Variants in FGF12 observed in about 807,000 individuals in gnomAD.
FGF12 encodes fibroblast growth factor 12B.
Under a neutral mutation model 23.6 loss-of-function variants are expected in FGF12, and 14 were observed. The observed-to-expected ratio is 0.59, with a 90% CI of 0.39 to 0.93. The LOEUF (loss-of-function observed/expected upper bound fraction) is 0.93. FGF12 is among the 40% of genes least tolerant of loss of function. The pLI is 0.00. For synonymous variants in FGF12, 62 were observed against 77.3 expected, an observed-to-expected ratio of 0.80 and a Z score of 1.04; for missense variants, 175 against 217.8, an observed-to-expected ratio of 0.80 and a Z score of 1.24.
At chr3:192,466,059 T>C (rs1456713314) in intron 2 of FGF12, among the ~76,000 whole-genome samples, 1 of 152,204 alleles carries the variant, frequency 6.6e-6, no homozygotes, top group African/African-American at 2.4e-5. Flanking sequence ...CAAACCTAGA[T>C]GGTGCAGCCT....
At chr3:192,204,745 G>T (rs1717554323) in intron 4 of FGF12, among the ~76,000 whole-genome samples, 1 of 152,086 alleles carries the variant, frequency 6.6e-6, no homozygotes, top group Non-Finnish European at 1.5e-5. Context: ...AATGAGCTGG[G>T]CGTGGTAGCA....
intron 2 of FGF12, among the ~76,000 whole-genome samples, chr3:192,674,626 A>T (rs1717256963): frequency 6.6e-6 from 1 of 152,206 alleles, no homozygotes; most frequent in South Asian, 2.1e-4. Flanking sequence ...AATAAGATAC[A>T]TGCAGTTAGA....
At chr3:192,573,120 A>C (rs1577060880) in intron 2 of FGF12, among the ~76,000 whole-genome samples, 1 of 152,170 alleles carries the variant, frequency 6.6e-6, no homozygotes, top group Admixed American at 6.5e-5. Context: ...GAACTAGGAA[A>C]GGTTATTTTG....
intron 5 of FGF12, among the ~76,000 whole-genome samples, chr3:192,155,446 T>C (rs1033329755): frequency 1.3e-5 from 2 of 152,218 alleles, no homozygotes; most frequent in East Asian, 1.9e-4. Flanking sequence ...TTATCTAATA[T>C]ACCCATTCCA....
intron 4 of FGF12, among the ~76,000 whole-genome samples, chr3:192,261,588 C>T (rs879821045): frequency 8.5e-5 from 13 of 152,132 alleles, no homozygotes; most frequent in South Asian, 2.1e-4. Context: ...GTCATGGCTC[C>T]GCCAGAGGTT....
chr3:192,511,400 G>A (rs1724470720), intron 2 of FGF12, among the ~76,000 whole-genome samples: 1 of 152,160 alleles, frequency 6.6e-6, no homozygotes, highest in African/African-American at 2.4e-5. Flanking sequence ...CTTTCCTGCT[G>A]AAGTGATGAG....
chr3:192,350,332 CATA>C (rs1171398570), intron 3 of FGF12, among the ~76,000 whole-genome samples: 2 of 151,852 alleles, frequency 1.3e-5, no homozygotes, highest in African/African-American at 4.8e-5. Flanking sequence ...AAAGAAATAA[CATA>C]AGCAAGTATA....
intron 2 of FGF12, among the ~76,000 whole-genome samples, chr3:192,626,583 A>G (rs1715176964): frequency 6.6e-6 from 1 of 152,140 alleles, no homozygotes; most frequent in African/African-American, 2.4e-5. Context: ...GAATAAGTTA[A>G]ACGCTACATA....
chr3:192,340,684 A>G (rs1717649350), intron 3 of FGF12, among the ~76,000 whole-genome samples: 1 of 152,166 alleles, frequency 6.6e-6, no homozygotes, highest in Non-Finnish European at 1.5e-5. Flanking sequence ...CACAGAAAAA[A>G]GGTAATGGAA....
intron 4 of FGF12, among the ~76,000 whole-genome samples, chr3:192,250,289 T>C (rs1467743501): frequency 6.6e-6 from 1 of 152,156 alleles, no homozygotes; most frequent in East Asian, 1.9e-4. Context: ...GATTAGGGGA[T>C]AGCATTAATC....
chr3:192,652,135 T>C (rs965591672), intron 2 of FGF12, among the ~76,000 whole-genome samples: 2 of 152,116 alleles, frequency 1.3e-5, no homozygotes, highest in Non-Finnish European at 2.9e-5. Context: ...CCAGGAGAGA[T>C]TAAAGTGGAT....
chr3:192,199,986 C>T (rs1487965676), intron 4 of FGF12, among the ~76,000 whole-genome samples: 5 of 151,938 alleles, frequency 3.3e-5, no homozygotes, highest in African/African-American at 1.2e-4. Flanking sequence ...CTCCCTGGCT[C>T]CAGGAAACAG....
At chr3:192,581,742 TGGC>T (rs912886568) in intron 2 of FGF12, among the ~76,000 whole-genome samples, 1 of 151,980 alleles carries the variant, frequency 6.6e-6, no homozygotes, top group Non-Finnish European at 1.5e-5. Context: ...AATGGCATGA[TGGC>T]TTTTTTATCT....
chr3:192,678,808 G>T (rs73887671), intron 2 of FGF12, among the ~76,000 whole-genome samples: 24 of 152,104 alleles, frequency 1.6e-4, no homozygotes, highest in Non-Finnish European at 1.5e-5. Context: ...CTTATCTTTC[G>T]TAAGGTCCAT....
At chr3:192,312,252 AG>A (rs1461724758) in intron 4 of FGF12, among the ~76,000 whole-genome samples, 1 of 152,092 alleles carries the variant, frequency 6.6e-6, no homozygotes, top group Non-Finnish European at 1.5e-5. Flanking sequence ...AGGTCATAAA[AG>A]TTTACTCCTA....
At chr3:192,601,541 C>T (rs913269931) in intron 2 of FGF12, among the ~76,000 whole-genome samples, 2 of 152,008 alleles carry the variant, frequency 1.3e-5, no homozygotes, top group African/African-American at 4.8e-5. Context: ...TCACAATGTA[C>T]CCCCACAGAT....
rs115921207 is a variant in FGF12 at position 192,474,315 on chromosome 3, C to A, written c.14-113777G>T. 8.8e-3 allele frequency among the ~76,000 whole-genome samples: 1,335 copies of A among 152,248 alleles called. 17 individuals are homozygous for A. Among genetic ancestry groups the A allele is most frequent in the African/African-American group, 0.029 (1,224 of 41,542 alleles). ...GAATTTCTTCCTCTACTTCCAGGAA[C>A]AACACTCATCTCATTTTAGGGGCAA... On this transcript the variant is annotated intron_variant, in intron 2 of 5. Transcript: ENST00000445105.
chr3:192,451,291 A>G (rs1353334379), intron 2 of FGF12, among the ~76,000 whole-genome samples: 1 of 152,196 alleles, frequency 6.6e-6, no homozygotes, highest in Non-Finnish European at 1.5e-5. Flanking sequence ...TGACTTTCCA[A>G]CACTCTCTTT....
At chr3:192,164,337 T>G (rs1022435793) in intron 5 of FGF12, among the ~76,000 whole-genome samples, 1 of 152,188 alleles carries the variant, frequency 6.6e-6, no homozygotes, top group East Asian at 1.9e-4. Context: ...GAGGTTTATA[T>G]GCAATGTACA....
Sources: gnomAD v4.1 joint callset for allele counts (sites outside exome capture counted in the v4.1 genomes callset) on GRCh38, gnomAD v4.1.1 for gene constraint, MANE v1.5 for transcripts, NCBI Gene and HGNC (gene_info 2026-07-23, HGNC 2026-07-21) for gene names.